Variants in GRM8 observed in about 807,000 individuals in gnomAD.
GRM8 encodes metabotropic glutamate receptor 8.
Under a neutral mutation model 87.2 loss-of-function variants are expected in GRM8, and 47 were observed. The observed-to-expected ratio is 0.54, with a 90% confidence interval of 0.43 to 0.69. The LOEUF (loss-of-function observed/expected upper bound fraction) is 0.69. Among genes scored for constraint, GRM8 ranks in the 30% least tolerant of loss-of-function variants. GRM8 has a pLI of 0.00. For missense variants in GRM8, 1,019 were observed against 1,139.2 expected, an observed-to-expected ratio of 0.89 and a Z score of 1.52; for synonymous variants, 396 against 404.5, an observed-to-expected ratio of 0.98 and a Z score of 0.25.
chr7:127,154,024 G>A (rs1315069521), intron 2 of GRM8, among the ~76,000 whole-genome samples: 2 of 152,064 alleles, frequency 1.3e-5, no homozygotes, highest in Non-Finnish European at 2.9e-5. Flanking sequence ...AGTCACCTCT[G>A]CTGAAAACCA....
intron 7 of GRM8, among the ~76,000 whole-genome samples, chr7:126,745,755 T>C (rs1294269646): frequency 4.0e-5 from 6 of 151,764 alleles, no homozygotes; most frequent in Admixed American, 1.3e-4. Flanking sequence ...TCATGCTTAT[T>C]GAATTTCTTC....
rs144165232 is a variant in GRM8 at position 126,891,756 on chromosome 7, G to T, written c.1156+10786C>A. 1.1e-4 allele frequency among the ~76,000 whole-genome samples: 16 copies of T among 152,060 alleles called. 1 individual carries two copies. In the East Asian group the frequency reaches 2.5e-3, roughly 24 times the overall value. Reference sequence around the variant, plus strand: ...ATTCGCTTAACACATTGCATTGCAGGAACTGGGCTAAATTATTCACCTTCC... The same window carrying T: ...ATTCGCTTAACACATTGCATTGCAGTAACTGGGCTAAATTATTCACCTTCC... On this transcript the variant is annotated intron_variant, in intron 6 of 10. Coordinates refer to ENST00000339582, the MANE Select transcript of GRM8 (RefSeq NM_000845.3).
chr7:126,557,561 TACA>T (rs74273975), intron 8 of GRM8, among the ~76,000 whole-genome samples: 46,523 of 151,982 alleles, frequency 0.31, 7,999 homozygotes, highest in East Asian at 0.43. Context: ...ATTGTTGCTG[TACA>T]ACACTTCCTA....
chr7:126,497,608 C>T (rs1808959163), intron 9 of GRM8, among the ~76,000 whole-genome samples: 1 of 151,978 alleles, frequency 6.6e-6, no homozygotes, highest in Non-Finnish European at 1.5e-5. Context: ...CCATTTCTGT[C>T]ATTATAACAA....
At chr7:126,540,289 C>T (rs1243587397) in intron 8 of GRM8, among the ~76,000 whole-genome samples, 1 of 152,022 alleles carries the variant, frequency 6.6e-6, no homozygotes, top group Non-Finnish European at 1.5e-5. Context: ...AAGACAATAG[C>T]AAGTGTTGAT....
At chr7:127,062,883 C>T (rs1201737528) in intron 3 of GRM8, among the ~76,000 whole-genome samples, 1 of 152,142 alleles carries the variant, frequency 6.6e-6, no homozygotes, top group African/African-American at 2.4e-5. Flanking sequence ...TCCAATTATG[C>T]TTATTTGGAT....
At chr7:126,888,482 A>G (rs2131059892) in intron 6 of GRM8, among the ~76,000 whole-genome samples, 1 of 152,264 alleles carries the variant, frequency 6.6e-6, no homozygotes, top group African/African-American at 2.4e-5. Flanking sequence ...ATCGAACAGG[A>G]TGACCTCCAA....
intron 9 of GRM8, among the ~76,000 whole-genome samples, chr7:126,485,989 A>G (rs909418974): frequency 1.3e-5 from 2 of 152,140 alleles, no homozygotes; most frequent in Non-Finnish European, 2.9e-5. Flanking sequence ...GTACCTCTAC[A>G]CTTGAAGAAT....
intron 3 of GRM8, among the ~76,000 whole-genome samples, chr7:126,906,532 T>C (rs1441463822): frequency 6.6e-6 from 1 of 152,110 alleles, no homozygotes; most frequent in Non-Finnish European, 1.5e-5. Context: ...AGACATCAAA[T>C]AACTTGGACT....
At chr7:126,794,718 G>A (rs936662725) in intron 6 of GRM8, among the ~76,000 whole-genome samples, 1 of 152,164 alleles carries the variant, frequency 6.6e-6, no homozygotes, top group Non-Finnish European at 1.5e-5. Flanking sequence ...TTGTCAAAGT[G>A]TGGTGGTTCA....
intron 2 of GRM8, among the ~76,000 whole-genome samples, chr7:127,202,888 A>G (rs1795690587): frequency 6.6e-6 from 1 of 152,206 alleles, no homozygotes; most frequent in South Asian, 2.1e-4. Flanking sequence ...CAGAGGATCA[A>G]GTAGGTAGGA....
At chr7:126,465,836 T>G (rs1171622495) in intron 9 of GRM8, among the ~76,000 whole-genome samples, 2 of 151,898 alleles carry the variant, frequency 1.3e-5, no homozygotes, top group Non-Finnish European at 2.9e-5. Flanking sequence ...CAGTACAATA[T>G]TGAATAACAG....
chr7:126,717,388 G>A (rs1811877460), intron 7 of GRM8, among the ~76,000 whole-genome samples: 1 of 152,084 alleles, frequency 6.6e-6, no homozygotes, highest in Non-Finnish European at 1.5e-5. Flanking sequence ...AGCCATCCAG[G>A]GACACGAGTG....
At chr7:126,758,839 A>G (rs867564657) in intron 7 of GRM8, among the ~76,000 whole-genome samples, 3 of 152,146 alleles carry the variant, frequency 2.0e-5, no homozygotes, top group Non-Finnish European at 4.4e-5. Flanking sequence ...CATAGTAATT[A>G]GGCACAATAA....
chr7:126,527,445 C>T (rs1353470793), intron 9 of GRM8, among the ~76,000 whole-genome samples: 1 of 152,198 alleles, frequency 6.6e-6, no homozygotes, highest in Non-Finnish European at 1.5e-5. Context: ...CGATTACAAA[C>T]ATACAATGTG....
intron 3 of GRM8, among the ~76,000 whole-genome samples, chr7:127,094,117 C>T (rs1419442): frequency 0.24 from 36,033 of 152,142 alleles, 5,033 homozygotes; most frequent in Non-Finnish European, 0.33. Context: ...TCTGATGTTG[C>T]TTCATTTCTG....
chr7:127,120,897 A>G (rs765360674), intron 2 of GRM8, among the ~76,000 whole-genome samples: 3 of 152,166 alleles, frequency 2.0e-5, no homozygotes, highest in Non-Finnish European at 4.4e-5. Flanking sequence ...GCTAGCATGG[A>G]GTTTATTTTT....
At chr7:126,935,983 G>GT (rs1411332796) in intron 3 of GRM8, among the ~76,000 whole-genome samples, 3 of 152,094 alleles carry the variant, frequency 2.0e-5, no homozygotes, top group Admixed American at 6.5e-5. Context: ...ATTCACCAGC[G>GT]TAAGTGTGCT....
intron 2 of GRM8, among the ~76,000 whole-genome samples, chr7:127,108,329 T>A (rs918173363): frequency 3.9e-5 from 6 of 152,170 alleles, no homozygotes; most frequent in Non-Finnish European, 5.9e-5. Flanking sequence ...ATCTACCTCT[T>A]ACTAGGTAAA....
Sources: allele counts gnomAD v4.1 joint callset (sites outside exome capture counted in the v4.1 genomes callset), GRCh38; gene constraint gnomAD v4.1.1; transcripts MANE v1.5; gene names NCBI Gene and HGNC (gene_info 2026-07-23, HGNC 2026-07-21).